The following LAMA1 variants were observed in gnomAD, a reference collection of about 807,000 sequenced individuals.
LAMA1 encodes the protein laminin subunit alpha 1.
In LAMA1, 219 loss-of-function variants were observed where a neutral mutation model predicts 348.7. The observed-to-expected ratio is 0.63, with a 90% CI of 0.56 to 0.70. The LOEUF is 0.70. Ranked by LOEUF, LAMA1 falls within the 30% of genes least tolerant of loss-of-function variation. LAMA1 has a pLI of 0.00. For missense variants in LAMA1, 3,744 were observed against 3,888.0 expected, an observed-to-expected ratio of 0.96 and a Z score of 0.99; for synonymous variants, 1,487 against 1,491.0, an observed-to-expected ratio of 1.00 and a Z score of 0.06.
chr18:7,029,834 GC>G (rs2057960357), intron 16 of LAMA1, among the ~76,000 whole-genome samples: 1 of 152,066 alleles, frequency 6.6e-6, no homozygotes, highest in Non-Finnish European at 1.5e-5. Context: ...AAAAACAGGG[GC>G]TCTAAGAGCA....
intron 1 of LAMA1, among the ~76,000 whole-genome samples, chr18:7,100,480 A>T (rs962208044): frequency 1.3e-5 from 2 of 152,208 alleles, no homozygotes; most frequent in Non-Finnish European, 2.9e-5. Flanking sequence ...AATTTCACTC[A>T]AGAGAAATGA....
chr18:6,972,252 C>A, intron 47 of LAMA1: 1 of 414,468 alleles, frequency 2.4e-6, no homozygotes, highest in Non-Finnish European at 4.5e-6. Flanking sequence ...AGTGAGAAAA[C>A]AGAGAGCCAG....
At position 7,050,856 on chromosome 18, in the gene LAMA1, AT is replaced by A. The variant is rs771749127; in HGVS notation, c.425del (p.Asp142ValfsTer24). The A allele has an allele frequency of 3.1e-6, 5 of 1,614,098 alleles. No individual in the cohort carries two copies. On this transcript the variant is annotated frameshift_variant, in exon 4 of 63. Coordinates refer to ENST00000389658, the MANE Select transcript of LAMA1 (RefSeq NM_005559.4). LOFTEE classifies it high-confidence loss of function. ...PGNWILERSL[D>X]GTTFSPWQYY... is the part of the protein sequence containing the mutation. ...ACTGCCAGGGGCTGAACGTGGTGCC[AT>A]CCAGAGAACGCTCCAAAATCCAGTT...
At position 6,951,237 on chromosome 18, in the gene LAMA1, A is replaced by G. The variant is rs117773773; in HGVS notation, c.8208-266T>C. 6.0e-4 allele frequency among the ~76,000 whole-genome samples: 91 copies of G among 152,308 alleles called. No individual in the cohort carries two copies. The East Asian group carries it at 0.016, about 27-fold the overall frequency. On this transcript the variant is annotated intron_variant, in intron 57 of 62. Coordinates refer to ENST00000389658, the MANE Select transcript of LAMA1 (RefSeq NM_005559.4). The stretch of plus-strand genomic sequence containing the variant: ...GCTCATGAAACTAATACAGAAACAC[A>G]TCAGACAGTAAAGTGGGTCCTGTAG...
chr18:6,944,850 A>T (rs916525825), intron 61 of LAMA1, among the ~76,000 whole-genome samples: 4 of 152,224 alleles, frequency 2.6e-5, no homozygotes, highest in African/African-American at 9.6e-5. Context: ...GAAGATTCTT[A>T]TGCTATATAT....
intron 3 of LAMA1, among the ~76,000 whole-genome samples, chr18:7,056,045 A>G (rs2058080617): frequency 6.6e-6 from 1 of 151,866 alleles, no homozygotes; most frequent in Admixed American, 6.6e-5. Context: ...GCACCACTGC[A>G]CTTCAGCCTG....
At chr18:7,061,643 A>G (rs8091242) in intron 3 of LAMA1, among the ~76,000 whole-genome samples, 7,749 of 152,292 alleles carry the variant, frequency 0.051, 615 homozygotes, top group African/African-American at 0.17. Context: ...AGTGGTGGCA[A>G]TGAATGGCAT....
At position 7,002,383 on chromosome 18, in the gene LAMA1, G is replaced by A; in HGVS notation, c.4263C>T (p.Asn1421=). Residue 1421 remains asparagine (N), a splice_region_variant and synonymous_variant, in exon 30 of 63, where the codon AAC becomes AAT. Coordinates refer to ENST00000389658, the MANE Select transcript of LAMA1 (RefSeq NM_005559.4). ...GGTCACCTGCTGTGTTATCGCCACA[G>A]TTCTGGGAGCCCACATTTAAAGGAA... The part of the protein sequence containing the change: ...TCDPNTGKCL[N]CGDNTAGDHC... The A allele has an allele frequency of 6.2e-7, 1 of 1,613,318 alleles. No individual in the cohort carries two copies. The highest frequency in any genetic ancestry group is 8.5e-7 in the Non-Finnish European group (1 of 1,180,006).
At chr18:7,014,266 C>T (rs893153178) in intron 22 of LAMA1, among the ~76,000 whole-genome samples, 3 of 152,148 alleles carry the variant, frequency 2.0e-5, no homozygotes, top group East Asian at 1.9e-4. Context: ...CACATGCGCA[C>T]GGGGCCAGAA....
In LAMA1 at chr18:6,997,879, C is replaced by A. The variant is rs756339634; in HGVS notation, c.4669G>T (p.Asp1557Tyr). ...ILMETDCVSCDDECVGVLLND... is the reference protein window; with the variant it reads ...ILMETDCVSCYDECVGVLLND... The stretch of plus-strand genomic sequence containing the variant: ...AGCAGCACACCTACACACTCATCAT[C>A]ACAGGCTACAAGACAAATTTTTAAA... Residue 1557 changes from aspartate to tyrosine, a missense_variant, in exon 33 of 63, where the codon GAT becomes TAT. This residue lies in a region of LAMA1 where 1,983 missense variants were observed against 1,934.3 expected (regional missense o/e 1.03). Transcript: ENST00000389658. 1 of 1,614,092 alleles carries A rather than the reference C, an allele frequency of 6.2e-7. No individual in the cohort carries two copies. Among genetic ancestry groups the A allele is most frequent in the East Asian group, 2.2e-5 (1 of 44,884 alleles).
At position 6,977,600 on chromosome 18, in the gene LAMA1, T is replaced by C. The variant is rs1368049056; in HGVS notation, c.6345+127A>G. On this transcript the variant is annotated intron_variant, in intron 44 of 62. Transcript: ENST00000389658. The stretch of plus-strand genomic sequence containing the variant: ...GACAGGGCTATGAGGAAGCCCAGAT[T>C]ATTGGGATCTGGGTCTTTGGAAGCC... 1.3e-5 allele frequency: 13 copies of C among 1,030,982 alleles called. No homozygotes were observed. In the Admixed American group the frequency reaches 3.0e-4, roughly 24 times the overall value. 63.9% of individuals were successfully genotyped at this position (1,030,982 alleles called of 1,614,324 possible). A position where few individuals can be genotyped will look rare whatever the true frequency, so the allele number is the denominator to read the frequency against.
At chr18:7,113,828 A>C (rs970748670) in intron 1 of LAMA1, among the ~76,000 whole-genome samples, 2 of 152,080 alleles carry the variant, frequency 1.3e-5, no homozygotes, top group African/African-American at 4.8e-5. Flanking sequence ...TGTAATACCA[A>C]CACTTTGGGA....
In LAMA1 at chr18:7,117,757, A is replaced by G; in HGVS notation, c.-37T>C. The G allele has an allele frequency of 6.3e-7, 1 of 1,576,392 alleles. No homozygotes were observed. Among genetic ancestry groups the G allele is most frequent in the African/African-American group, 1.4e-5 (1 of 73,996 alleles). ...CGCCACTCGGTGGGTCTGGGGAGAA[A>G]GCCGCGCGCCCGCCTGGAACGCTCC... is the stretch of plus-strand genomic sequence containing the variant. On this transcript the variant is annotated 5_prime_UTR_variant, in exon 1 of 63. Transcript: ENST00000389658.
At chr18:7,039,027 AGGT>A (rs2058009038) in intron 10 of LAMA1, 77 bp from the exon 11 acceptor site, 3 of 1,204,692 alleles carry the variant, frequency 2.5e-6, no homozygotes, top group Non-Finnish European at 3.7e-6. Context: ...TTAACAAGAT[AGGT>A]GTTCGGTGAT....
At chr18:6,964,538 A>G in intron 51 of LAMA1, 124 bp downstream of exon 51, 1 of 1,206,142 alleles carries the variant, frequency 8.3e-7, no homozygotes, top group Non-Finnish European at 1.2e-6. Context: ...TGCAGCCTCT[A>G]GAACTGGGAA....
intron 3 of LAMA1, among the ~76,000 whole-genome samples, chr18:7,077,544 A>G (rs1670912211): frequency 6.6e-6 from 1 of 152,040 alleles, no homozygotes; most frequent in African/African-American, 2.4e-5. Context: ...AACATCTAAA[A>G]TGGAGACTGC....
chr18:7,037,485 T>G, intron 12 of LAMA1, 93 bp downstream of exon 12: 1 of 1,424,990 alleles, frequency 7.0e-7, no homozygotes, highest in Non-Finnish European at 9.9e-7. Flanking sequence ...AGGTGCCCTA[T>G]GAGACTACCT....
intron 5 of LAMA1, among the ~76,000 whole-genome samples, chr18:7,046,914 T>C (rs1404403012): frequency 2.0e-5 from 3 of 152,252 alleles, no homozygotes; most frequent in African/African-American, 4.8e-5. Context: ...TTTTTGTTCA[T>C]TGATTTTGTA....
In LAMA1 at chr18:6,974,896, C is replaced by G. The variant is rs553806693; in HGVS notation, c.6623+7G>C. On this transcript the variant is annotated splice_region_variant and intron_variant, in intron 46 of 62. Transcript: ENST00000389658. ...GAGAGCTGCTTTGAGAGAACATTCT[C>G]TTCTACCTGGCTACATGGATACTGT... The G allele has an allele frequency of 1.4e-5, 23 of 1,613,960 alleles. No individual in the cohort carries two copies. In the Admixed American group the frequency reaches 3.3e-4, roughly 23 times the overall value.
Sources: gnomAD v4.1 joint callset for allele counts (sites outside exome capture counted in the v4.1 genomes callset) on GRCh38, gnomAD v4.1.1 for gene constraint, gnomAD v4.1.1 regional missense constraint, MANE v1.5 for transcripts, NCBI Gene and HGNC (gene_info 2026-07-23, HGNC 2026-07-21) for gene names.